Variants in NUMB observed in about 807,000 individuals in gnomAD.
NUMB encodes protein numb homolog.
In NUMB, 29 loss-of-function variants were observed where a neutral mutation model predicts 59.7. The observed-to-expected ratio is 0.49, with a 90% CI of 0.36 to 0.66. The LOEUF (loss-of-function observed/expected upper bound fraction) is 0.66. Ranked by LOEUF, NUMB falls within the 30% of genes least tolerant of loss-of-function variation. The probability of loss-of-function intolerance (pLI) is 0.00; values close to 1 mark genes in which losing one functional copy is unlikely to be tolerated. For missense variants in NUMB, 723 were observed against 822.0 expected (o/e 0.88, Z 1.47); for synonymous variants, 288 against 288.2 (o/e 1.00, Z 0.01).
At chr14:73,282,245 T>C in intron 11 of NUMB, 114 bp downstream of exon 11, 1 of 898,950 alleles carries the variant, frequency 1.1e-6, no homozygotes, top group Non-Finnish European at 1.6e-6. Flanking sequence ...ATAGAGAAAT[T>C]AATGGGTCTG....
intron 6 of NUMB, among the ~76,000 whole-genome samples, chr14:73,311,563 A>T (rs780149380): frequency 1.5e-4 from 23 of 152,302 alleles, no homozygotes; most frequent in Non-Finnish European, 2.6e-4. Flanking sequence ...CAGGTCCAAG[A>T]GGCAACTTCC....
intron 2 of NUMB, among the ~76,000 whole-genome samples, chr14:73,387,682 G>A (rs1220858233): frequency 6.7e-6 from 1 of 148,524 alleles, no homozygotes; most frequent in African/African-American, 2.5e-5. Context: ...GCAGTGAGCT[G>A]AGATCATGCT....
At chr14:73,395,175 T>C (rs116342252) in intron 2 of NUMB, among the ~76,000 whole-genome samples, 3,086 of 150,860 alleles carry the variant, frequency 0.02, 102 homozygotes, top group African/African-American at 0.07. Context: ...AGAATAGGTA[T>C]TCATAAGTAT....
chr14:73,359,847 T>G (rs983236092), intron 3 of NUMB, among the ~76,000 whole-genome samples: 1 of 152,020 alleles, frequency 6.6e-6, no homozygotes, highest in African/African-American at 2.4e-5. Flanking sequence ...TAGTCCTCTC[T>G]TGTCTTGCTC....
At chr14:73,376,918 T>G (rs560811726) in intron 2 of NUMB, among the ~76,000 whole-genome samples, 2 of 152,218 alleles carry the variant, frequency 1.3e-5, no homozygotes, top group East Asian at 3.8e-4. Context: ...AGTTAGTTAT[T>G]GTCAACTGAT....
At chr14:73,452,050 C>T (rs1190430864) in intron 1 of NUMB, among the ~76,000 whole-genome samples, 2 of 151,678 alleles carry the variant, frequency 1.3e-5, no homozygotes, top group Admixed American at 6.6e-5. Context: ...TTAACAAGAC[C>T]CTGTCTCTAC....
At chr14:73,444,441 A>G (rs942667595) in intron 1 of NUMB, among the ~76,000 whole-genome samples, 2 of 151,806 alleles carry the variant, frequency 1.3e-5, no homozygotes, top group South Asian at 2.1e-4. Flanking sequence ...TGATCCTCAC[A>G]TGGTAATAGC....
chr14:73,369,561 G>A (rs1380806799), intron 2 of NUMB, among the ~76,000 whole-genome samples: 2 of 152,156 alleles, frequency 1.3e-5, no homozygotes, highest in Non-Finnish European at 2.9e-5. Flanking sequence ...AAGACACAAA[G>A]GGATGTGAAA....
chr14:73,278,432 G>A lies in NUMB; in HGVS notation c.1240+849C>T, dbSNP rs1394153522. 2.0e-5 allele frequency among the ~76,000 whole-genome samples: 3 copies of A among 151,820 alleles called. No individual in the cohort carries two copies. In the East Asian group the frequency reaches 5.8e-4, roughly 29 times the overall value. On this transcript the variant is annotated intron_variant, in intron 12 of 12. Transcript: ENST00000555238. Reference sequence around the variant, plus strand: ...CTACTCGGGAGGCTGAGGCAGGAGAGTTGCTTGAACCTGAGAGATGGAGGT... The same window carrying A: ...CTACTCGGGAGGCTGAGGCAGGAGAATTGCTTGAACCTGAGAGATGGAGGT...
chr14:73,404,515 C>A (rs534258943), intron 2 of NUMB, among the ~76,000 whole-genome samples: 37 of 152,022 alleles, frequency 2.4e-4, no homozygotes, highest in African/African-American at 7.0e-4. Context: ...AAAGAGGATA[C>A]ATACATATTA....
At chr14:73,342,492 G>T (rs1892688564) in intron 4 of NUMB, among the ~76,000 whole-genome samples, 1 of 152,178 alleles carries the variant, frequency 6.6e-6, no homozygotes, top group African/African-American at 2.4e-5. Context: ...TCCTATCTGG[G>T]ATAAACAACA....
chr14:73,323,822 T>C (rs1891527313), intron 4 of NUMB, among the ~76,000 whole-genome samples: 1 of 152,198 alleles, frequency 6.6e-6, no homozygotes, highest in South Asian at 2.1e-4. Flanking sequence ...TGAAAGACTA[T>C]TTCAGGCTGA....
chr14:73,343,287 G>A (rs1349773071), intron 4 of NUMB, among the ~76,000 whole-genome samples: 2 of 152,146 alleles, frequency 1.3e-5, no homozygotes, highest in African/African-American at 2.4e-5. Context: ...AGACAGATTG[G>A]AAGCAAGAGT....
At chr14:73,290,311 C>T (rs936904148) in intron 8 of NUMB, among the ~76,000 whole-genome samples, 11 of 152,208 alleles carry the variant, frequency 7.2e-5, no homozygotes, top group East Asian at 5.8e-4. Flanking sequence ...ACACAATATT[C>T]GCTAAAATTT....
chr14:73,367,378 A>AGAGAGAG (rs1894418528), intron 2 of NUMB, among the ~76,000 whole-genome samples: 1 of 81,268 alleles, frequency 1.2e-5, no homozygotes, highest in African/African-American at 6.2e-5. Context: ...GAGAGAGACA[A>AGAGAGAG]ATAGGATATT....
intron 4 of NUMB, among the ~76,000 whole-genome samples, chr14:73,334,855 A>G (rs1480553524): frequency 1.3e-5 from 2 of 151,590 alleles, no homozygotes; most frequent in African/African-American, 4.9e-5. Flanking sequence ...AAGCTAAGGC[A>G]GGAGAATAGC....
intron 2 of NUMB, among the ~76,000 whole-genome samples, chr14:73,393,314 G>A (rs1371916685): frequency 1.3e-5 from 2 of 151,890 alleles, no homozygotes; most frequent in Non-Finnish European, 2.9e-5. Context: ...GGTAAGATGA[G>A]TTATAAAATA....
chr14:73,330,010 G>C (rs1356754504), intron 4 of NUMB, among the ~76,000 whole-genome samples: 2 of 152,124 alleles, frequency 1.3e-5, no homozygotes, highest in East Asian at 3.9e-4. Flanking sequence ...TAATACCTCA[G>C]GTCTCAACAG....
intron 1 of NUMB, among the ~76,000 whole-genome samples, chr14:73,414,682 T>C (rs1479135824): frequency 6.6e-6 from 1 of 151,656 alleles, no homozygotes; most frequent in Non-Finnish European, 1.5e-5. Context: ...CCATCGTGCC[T>C]GGCCCCCAGA....
Sources: gnomAD v4.1 joint callset for allele counts (sites outside exome capture counted in the v4.1 genomes callset) on GRCh38, gnomAD v4.1.1 for gene constraint, MANE v1.5 for transcripts, NCBI Gene and HGNC (gene_info 2026-07-23, HGNC 2026-07-21) for gene names.